SMURF2: variants seen among roughly 807,000 people sequenced by gnomAD.
SMURF2 encodes the protein E3 ubiquitin-protein ligase SMURF2.
Under a neutral mutation model 109.6 loss-of-function variants are expected in SMURF2, and 48 were observed. That is an observed-to-expected ratio of 0.44 (90% CI 0.35 to 0.56). The LOEUF (loss-of-function observed/expected upper bound fraction) is 0.56. Among genes scored for constraint, SMURF2 ranks in the 20% least tolerant of loss-of-function variants. The probability of loss-of-function intolerance (pLI) is 0.01; values close to 1 mark genes in which losing one functional copy is unlikely to be tolerated. For synonymous variants in SMURF2, 288 were observed against 317.1 expected, an observed-to-expected ratio of 0.91 and a Z score of 0.97; for missense variants, 575 against 909.0, an observed-to-expected ratio of 0.63 and a Z score of 4.72.
chr17:64,581,897 G>A lies in SMURF2; in HGVS notation c.570-906C>T, dbSNP rs1969582743. ...GAGGCAGAGGTTGCAGTGGGCAGAG[G>A]TTGCAGTGAGCCGAGATCGTACCAC... On this transcript the variant is annotated intron_variant, in intron 7 of 18. Transcript: ENST00000262435. The surrounding 1 kb of genome is among the most constrained non-coding windows in gnomAD (Gnocchi z 4.3). Among the ~76,000 whole-genome samples, 1 of 151,366 alleles carries A rather than the reference G, an allele frequency of 6.6e-6. No homozygotes were observed. The highest frequency in any genetic ancestry group is 1.5e-5 in the Non-Finnish European group (1 of 67,916).
At chr17:64,613,727 T>A (rs1970080008) in intron 1 of SMURF2, among the ~76,000 whole-genome samples, 1 of 135,606 alleles carries the variant, frequency 7.4e-6, no homozygotes, top group Non-Finnish European at 1.6e-5. Flanking sequence ...TGTGTGTGTG[T>A]GTGTGTGTGT....
chr17:64,546,134 T>G, intron 18 of SMURF2, 129 bp downstream of exon 18: 4 of 995,114 alleles, frequency 4.0e-6, no homozygotes, highest in Non-Finnish European at 6.0e-6. Context: ...TTTAAATCAC[T>G]TAAGTTGCTT....
chr17:64,581,280 A>G lies in SMURF2; in HGVS notation c.570-289T>C, dbSNP rs1969575456. Among the ~76,000 whole-genome samples, 1 of 152,166 alleles carries G rather than the reference A, an allele frequency of 6.6e-6. No individual in the cohort carries two copies. Among genetic ancestry groups the G allele is most frequent in the Non-Finnish European group, 1.5e-5 (1 of 68,022 alleles). On this transcript the variant is annotated intron_variant, in intron 7 of 18. Transcript: ENST00000262435. The surrounding 1 kb of genome is among the most constrained non-coding windows in gnomAD (Gnocchi z 4.3). ...TGGATGTGAGACTGGCTTACAAAAC[A>G]CTGCTTGATCTAGCTATAGCCTCTC...
At chr17:64,556,388 AG>A (rs140674979) in intron 13 of SMURF2, among the ~76,000 whole-genome samples, 5,263 of 152,286 alleles carry the variant, frequency 0.035, 314 homozygotes, top group African/African-American at 0.12. Flanking sequence ...TGACCTAACC[AG>A]AAATTAAACA....
At chr17:64,635,752 C>T (rs1970408193) in intron 1 of SMURF2, among the ~76,000 whole-genome samples, 1 of 152,122 alleles carries the variant, frequency 6.6e-6, no homozygotes, top group South Asian at 2.1e-4. Flanking sequence ...TGTTTCCACC[C>T]AACTATTTTG....
chr17:64,576,265 C>T (rs1276864610), intron 9 of SMURF2, among the ~76,000 whole-genome samples: 3 of 151,942 alleles, frequency 2.0e-5, no homozygotes, highest in Non-Finnish European at 4.4e-5. Flanking sequence ...TGGTAAATCA[C>T]TAAATTTATT....
intron 1 of SMURF2, among the ~76,000 whole-genome samples, chr17:64,617,778 A>G (rs2144691637): frequency 6.6e-6 from 1 of 152,282 alleles, no homozygotes; most frequent in Non-Finnish European, 1.5e-5. Flanking sequence ...CTCAGTTAAC[A>G]AATTTAAAAT....
chr17:64,608,371 T>C (rs1970001337), intron 1 of SMURF2, among the ~76,000 whole-genome samples: 1 of 152,180 alleles, frequency 6.6e-6, no homozygotes, highest in South Asian at 2.1e-4. Flanking sequence ...GATACTGGTA[T>C]ACTAGGCAGA....
intron 1 of SMURF2, among the ~76,000 whole-genome samples, chr17:64,635,589 G>T (rs1970405893): frequency 1.3e-5 from 2 of 151,656 alleles, no homozygotes; most frequent in Admixed American, 6.6e-5. Context: ...ATGGCTTTTT[G>T]TGTCTGGCTT....
chr17:64,649,321 G>A (rs893574702), intron 1 of SMURF2, among the ~76,000 whole-genome samples: 7 of 152,020 alleles, frequency 4.6e-5, no homozygotes, highest in Admixed American at 3.3e-4. Flanking sequence ...AAGAGGTGAC[G>A]CTACAGGCTA....
At position 64,558,001 on chromosome 17, in the gene SMURF2, C is replaced by T. The variant is rs182755944; in HGVS notation, c.1317-279G>A. On this transcript the variant is annotated intron_variant, in intron 12 of 18. Transcript: ENST00000262435. ...AAAGTATTATCCAACAGTTCAGCTACTCACGAGATGATACGGTCCAGTGGT... is the reference window on the plus strand; with the variant it reads ...AAAGTATTATCCAACAGTTCAGCTATTCACGAGATGATACGGTCCAGTGGT... 2.0e-5 allele frequency among the ~76,000 whole-genome samples: 3 copies of T among 152,278 alleles called. No homozygotes were observed. The East Asian group carries it at 5.8e-4, about 29-fold the overall frequency.
At chr17:64,579,077 G>A (rs1441422481) in intron 8 of SMURF2, among the ~76,000 whole-genome samples, 1 of 152,178 alleles carries the variant, frequency 6.6e-6, no homozygotes, top group Admixed American at 6.5e-5. Flanking sequence ...AAGCAAAACA[G>A]ATGAGATACT....
At chr17:64,576,779 T>C (rs554674272) in intron 9 of SMURF2, among the ~76,000 whole-genome samples, 2 of 152,210 alleles carry the variant, frequency 1.3e-5, no homozygotes, top group Non-Finnish European at 2.9e-5. Flanking sequence ...AAGATTTTTT[T>C]TTAAGCTGAA....
chr17:64,660,268 G>T (rs1970756968), intron 1 of SMURF2, among the ~76,000 whole-genome samples: 1 of 152,230 alleles, frequency 6.6e-6, no homozygotes, highest in Admixed American at 6.5e-5. Flanking sequence ...CTGCACACCT[G>T]GGATCACATG....
chr17:64,568,209 C>T (rs879957184), intron 10 of SMURF2, among the ~76,000 whole-genome samples: 7 of 152,060 alleles, frequency 4.6e-5, no homozygotes, highest in Non-Finnish European at 8.8e-5. Context: ...AGGCTGGTCT[C>T]GAACTCCTGA....
intron 1 of SMURF2, 70 bp from the exon 2 acceptor site, chr17:64,606,710 A>G: frequency 8.9e-7 from 1 of 1,117,982 alleles, no homozygotes; most frequent in Non-Finnish European, 1.3e-6. Flanking sequence ...TACATTTTAA[A>G]ACACGGAAAA....
At chr17:64,577,652 G>A (rs1299231344) in intron 9 of SMURF2, among the ~76,000 whole-genome samples, 1 of 150,816 alleles carries the variant, frequency 6.6e-6, no homozygotes, top group South Asian at 2.1e-4. Context: ...CTGGAGTGCT[G>A]TAGCACGACC....
intron 1 of SMURF2, among the ~76,000 whole-genome samples, chr17:64,657,010 G>T (rs569918784): frequency 1.3e-5 from 2 of 152,178 alleles, no homozygotes; most frequent in Non-Finnish European, 2.9e-5. Context: ...CAATGCATTA[G>T]CCATAAAGAA....
chr17:64,640,377 G>A lies in SMURF2; in HGVS notation c.52+21452C>T, dbSNP rs182479664. On this transcript the variant is annotated intron_variant, in intron 1 of 18. Coordinates refer to ENST00000262435, the MANE Select transcript of SMURF2 (RefSeq NM_022739.4). ...AAGAAAGAATATATACAAAGACTCT[G>A]AGGTGGAAGAGATTGGCCTTTTCAA... Among the ~76,000 whole-genome samples the A allele has an allele frequency of 4.6e-5, 7 of 152,264 alleles. 1 individual carries two copies. The highest frequency in any genetic ancestry group is 3.9e-4 in the Admixed American group (6 of 15,280).
Sources: gnomAD v4.1 joint callset for allele counts (sites outside exome capture counted in the v4.1 genomes callset) on GRCh38, gnomAD v4.1.1 for gene constraint, Gnocchi (gnomAD v3.1) non-coding constraint, MANE v1.5 for transcripts, NCBI Gene and HGNC (gene_info 2026-07-23, HGNC 2026-07-21) for gene names.